Variants in MKRN2OS observed in about 807,000 individuals in gnomAD.
The protein encoded by MKRN2OS is MKRN2 opposite strand protein.
Under a neutral mutation model 18.2 loss-of-function variants are expected in MKRN2OS, and 17 were observed. The ratio of observed to expected loss-of-function variants is 0.93; its 90% confidence interval spans 0.64 to 1.40. The LOEUF is 1.40. MKRN2OS is among the 40% of genes most tolerant of loss of function. MKRN2OS has a pLI of 0.00. For synonymous variants in MKRN2OS, 121 were observed against 108.5 expected (o/e 1.12, Z -0.72); for missense variants, 337 against 283.0 (o/e 1.19, Z -1.37).
rs1306112144 is a variant in MKRN2OS at position 12,545,416 on chromosome 3, C to T, written c.49G>A (p.Glu17Lys). 2 of 1,535,392 alleles carry T rather than the reference C, an allele frequency of 1.3e-6. No individual in the cohort carries two copies. Among genetic ancestry groups the T allele is most frequent in the Admixed American group, 3.9e-5 (2 of 50,964 alleles). The change falls in exon 1 of 4, where the codon GAG (glutamate) becomes AAG (lysine). Residue 17 changes from glutamate to lysine, a missense_variant. Glu to Lys is a moderately conservative substitution (Grantham distance 56). Coordinates refer to ENST00000564146, the MANE Select transcript of MKRN2OS (RefSeq NM_001195279.2). Reference sequence around the variant, plus strand: ...ACACTGAAGCTGTAGATGTATTTCTCACAGTGGTTGAATTTAATTAAAGCC... The same window carrying T: ...ACACTGAAGCTGTAGATGTATTTCTTACAGTGGTTGAATTTAATTAAAGCC... ...GKALIKFNHC[E>K]KYIYSFSVPQ...
At position 12,545,268 on chromosome 3, in the gene MKRN2OS, G is replaced by T; in HGVS notation, c.197C>A (p.Pro66Gln). ...HQEKCSFLLR[P>Q]TQGTFLREYD... ...GTACCTAAGAAATGTCCCCTGAGTT[G>T]GTCTGAGGAGGAATGAACATTTTTC... The change falls in exon 1 of 4, where the codon CCA becomes CAA. Residue 66 changes from proline to glutamine, a missense_variant. Transcript: ENST00000564146. 1 of 1,535,412 alleles carries T rather than the reference G, an allele frequency of 6.5e-7. No individual in the cohort carries two copies. The highest frequency in any genetic ancestry group is 8.7e-7 in the Non-Finnish European group (1 of 1,146,428).
chr3:12,546,598 T>TTTTTTTTG (rs869055985), upstream of MKRN2OS, among the ~76,000 whole-genome samples: 1 of 132,024 alleles, frequency 7.6e-6, no homozygotes, highest in Non-Finnish European at 1.6e-5. Flanking sequence ...TTTTTTTTTT[T>TTTTTTTTG]GAGACAGAGT....
chr3:12,559,646 G>C (rs559564497), intron 1 of MKRN2OS, among the ~76,000 whole-genome samples: 1 of 152,220 alleles, frequency 6.6e-6, no homozygotes, highest in South Asian at 2.1e-4. Flanking sequence ...TTATTGCCTG[G>C]AGTGGTAAAA....
At chr3:12,544,613 T>G (rs941901678) in intron 1 of MKRN2OS, among the ~76,000 whole-genome samples, 17 of 148,220 alleles carry the variant, frequency 1.1e-4, no homozygotes, top group Admixed American at 2.1e-4. Flanking sequence ...ACCCGGGAGG[T>G]GGAGGTTGCA....
upstream of MKRN2OS, among the ~76,000 whole-genome samples, chr3:12,547,624 A>G (rs899505059): frequency 3.9e-5 from 6 of 152,186 alleles, no homozygotes; most frequent in Non-Finnish European, 8.8e-5. Flanking sequence ...TTTCCACAAT[A>G]TCAGTGATAC....
chr3:12,543,873 C>G (rs2057850065), intron 1 of MKRN2OS, among the ~76,000 whole-genome samples: 1 of 139,996 alleles, frequency 7.1e-6, no homozygotes, highest in Admixed American at 7.4e-5. Context: ...CCCTGGGCAA[C>G]AGAGTAAGAC....
exon 2 of MKRN2OS, chr3:12,553,982 G>T (rs1322603732): frequency 6.6e-6 from 1 of 152,220 alleles, no homozygotes; most frequent in Non-Finnish European, 1.5e-5. Context: ...CTCGGCGCAC[G>T]TCTGCGCAAA....
chr3:12,547,771 G>A (rs76550376), upstream of MKRN2OS, among the ~76,000 whole-genome samples: 2 of 152,054 alleles, frequency 1.3e-5, no homozygotes, highest in East Asian at 3.9e-4. Flanking sequence ...GTCATGGCAG[G>A]TAAAGGCACT....
At chr3:12,557,738 A>G (rs1488752824) in intron 1 of MKRN2OS, among the ~76,000 whole-genome samples, 2 of 152,250 alleles carry the variant, frequency 1.3e-5, no homozygotes, top group Non-Finnish European at 1.5e-5. Flanking sequence ...CAAGTCCTTT[A>G]TATTCATTAT....
chr3:12,559,944 C>G (rs1052349338), intron 1 of MKRN2OS, among the ~76,000 whole-genome samples: 10 of 152,088 alleles, frequency 6.6e-5, no homozygotes, highest in African/African-American at 2.4e-4. Context: ...GCTTTTGATT[C>G]TTTGAAAGTC....
At chr3:12,545,794 A>T (rs2057877320), upstream of MKRN2OS, among the ~76,000 whole-genome samples, 1 of 152,138 alleles carries the variant, frequency 6.6e-6, no homozygotes, top group African/African-American at 2.4e-5. Flanking sequence ...CTGGATTCAT[A>T]TTTCCGTCAG....
At chr3:12,546,615 C>T (rs2057886884), upstream of MKRN2OS, among the ~76,000 whole-genome samples, 2 of 115,384 alleles carry the variant, frequency 1.7e-5, no homozygotes, top group African/African-American at 3.6e-5. Flanking sequence ...GAGTCTCACT[C>T]TTGTCGCCAG....
upstream of MKRN2OS, among the ~76,000 whole-genome samples, chr3:12,547,465 GC>G (rs1442006646): frequency 2.6e-5 from 4 of 152,126 alleles, no homozygotes; most frequent in African/African-American, 9.7e-5. Context: ...GACTGCTTGA[GC>G]CCATGAGGTC....
intron 1 of MKRN2OS, among the ~76,000 whole-genome samples, chr3:12,544,803 A>G (rs1417427851): frequency 6.6e-6 from 1 of 152,246 alleles, no homozygotes; most frequent in Admixed American, 6.5e-5. Flanking sequence ...TACAGTGGAA[A>G]TAGATCAGTT....
Position 12,543,226 on chromosome 3 carries a change from C to T in MKRN2OS, c.222G>A (p.Glu74=). 3 of 1,534,566 alleles carry T rather than the reference C, an allele frequency of 2.0e-6. No individual in the cohort carries two copies. The highest frequency in any genetic ancestry group is 1.7e-4 in the Middle Eastern group (1 of 5,968). Reference sequence around the variant, plus strand: ...CATGAAGATCAGACCTTCCATCATACTCTCTGAAAGAAACAAGGTTTGTTT... The same window carrying T: ...CATGAAGATCAGACCTTCCATCATATTCTCTGAAAGAAACAAGGTTTGTTT... The part of the protein sequence containing the change: ...LRPTQGTFLR[E]YDGRSDLHVG... The change falls in exon 2 of 4, where the codon GAG becomes GAA. Residue 74 remains glutamate, a synonymous_variant. Coordinates refer to ENST00000564146, the MANE Select transcript of MKRN2OS (RefSeq NM_001195279.2).
Position 12,540,160 on chromosome 3 carries a change from C to A in MKRN2OS, c.*33G>T. 6.5e-7 allele frequency: 1 copy of A among 1,535,820 alleles called. No homozygotes were observed. Among genetic ancestry groups the A allele is most frequent in the Non-Finnish European group, 8.7e-7 (1 of 1,146,702 alleles). ...CTGATTAAAGGTAGCAACCACCCTA[C>A]CCTCCAGCGTCCAGGCTGCGCTTAC... On this transcript the variant is annotated 3_prime_UTR_variant, in exon 4 of 4. Transcript: ENST00000564146.
At chr3:12,542,163 A>C in intron 2 of MKRN2OS, 141 bp from the exon 3 acceptor site, 1 of 844,664 alleles carries the variant, frequency 1.2e-6, no homozygotes, top group Non-Finnish European at 1.8e-6. Context: ...TCTTCCATCC[A>C]CCTAATGAGA....
upstream of MKRN2OS, among the ~76,000 whole-genome samples, chr3:12,545,888 C>T (rs2057878321): frequency 6.6e-6 from 1 of 152,204 alleles, no homozygotes; most frequent in Admixed American, 6.5e-5. Flanking sequence ...CTCACTGCAA[C>T]CTCCACCCTC....
upstream of MKRN2OS, among the ~76,000 whole-genome samples, chr3:12,546,575 A>ATTTTTTTTTTTTTTTTTTTT (rs1160434615): frequency 3.1e-5 from 3 of 97,100 alleles, no homozygotes; most frequent in Admixed American, 1.3e-4. Flanking sequence ...GGTACATGGG[A>ATTTTTTTTTTTTTTTTTTTT]TTTTTTTTTT....
Sources: allele counts gnomAD v4.1 joint callset (sites outside exome capture counted in the v4.1 genomes callset), GRCh38; gene constraint gnomAD v4.1.1; transcripts MANE v1.5; gene names NCBI Gene and HGNC (gene_info 2026-07-23, HGNC 2026-07-21).